PTPRT: variants seen among roughly 807,000 people sequenced by gnomAD.
PTPRT encodes the protein receptor-type tyrosine-protein phosphatase T.
In PTPRT, 56 loss-of-function variants were observed where a neutral mutation model predicts 176.8. The observed-to-expected ratio is 0.32, with a 90% CI of 0.26 to 0.40. The LOEUF is 0.40. PTPRT is among the 10% of genes least tolerant of loss of function. PTPRT has a pLI of 1.00. For missense variants in PTPRT, 1,540 were observed against 1,908.2 expected, an observed-to-expected ratio of 0.81 and a Z score of 3.60; for synonymous variants, 783 against 739.0, an observed-to-expected ratio of 1.06 and a Z score of -0.96.
intron 16 of PTPRT, among the ~76,000 whole-genome samples, chr20:42,173,748 C>T (rs778988591): frequency 6.6e-6 from 1 of 152,112 alleles, no homozygotes; most frequent in Non-Finnish European, 1.5e-5. Context: ...TATTTTGTTG[C>T]ACCACAAAGA....
intron 12 of PTPRT, among the ~76,000 whole-genome samples, chr20:42,295,664 T>C (rs1277979157): frequency 6.6e-6 from 1 of 151,360 alleles, no homozygotes; most frequent in African/African-American, 2.4e-5. Context: ...GAGGAAGAAA[T>C]AGGGAAAGAG....
chr20:42,244,543 G>A (rs746251574), intron 14 of PTPRT, among the ~76,000 whole-genome samples: 49 of 152,110 alleles, frequency 3.2e-4, no homozygotes, highest in Non-Finnish European at 1.0e-4. Context: ...TGTGATGGAC[G>A]GGTTAGTGTA....
chr20:42,890,016 G>A lies in PTPRT; in HGVS notation c.89-4084C>T, dbSNP rs2079166047. On this transcript the variant is annotated intron_variant, in intron 1 of 30. Coordinates refer to ENST00000373187, the MANE Select transcript of PTPRT (RefSeq NM_007050.6). ...AAATGACAACCATTTCAGGTGCTTT[G>A]ATCAGACAAGAATTTCTCTGCAGGA... 2.0e-5 allele frequency among the ~76,000 whole-genome samples: 3 copies of A among 152,088 alleles called. No individual in the cohort carries two copies. In the South Asian group the frequency reaches 6.2e-4, roughly 32 times the overall value.
intron 13 of PTPRT, among the ~76,000 whole-genome samples, chr20:42,279,258 A>C (rs140496036): frequency 1.1e-4 from 16 of 152,150 alleles, no homozygotes; most frequent in Middle Eastern, 6.8e-3. Context: ...TTGCTACCCT[A>C]ATCAAACATC....
chr20:43,094,448 G>C (rs2012037888), intron 1 of PTPRT, among the ~76,000 whole-genome samples: 1 of 131,614 alleles, frequency 7.6e-6, no homozygotes, highest in African/African-American at 2.9e-5. Flanking sequence ...GCACAGGCTG[G>C]AGTGTAATAG....
intron 15 of PTPRT, among the ~76,000 whole-genome samples, chr20:42,233,437 T>C (rs1276754525): frequency 6.6e-6 from 1 of 152,186 alleles, no homozygotes; most frequent in African/African-American, 2.4e-5. Context: ...CAGAGCAATT[T>C]CTTTCCCATT....
rs75270309 is a variant in PTPRT at position 42,825,048 on chromosome 20, T to C, written c.215-33582A>G. On this transcript the variant is annotated intron_variant, in intron 2 of 30. Coordinates refer to ENST00000373187, the MANE Select transcript of PTPRT (RefSeq NM_007050.6). ...ATTTCTTATCAAATAAGCTAAGATT[T>C]TGAAACAGTGATAATTCCTAATATT... Among the ~76,000 whole-genome samples the C allele has an allele frequency of 8.6e-3, 1,302 of 152,202 alleles. 28 individuals carry two copies. Among genetic ancestry groups the C allele is most frequent in the African/African-American group, 0.029 (1,210 of 41,536 alleles).
intron 12 of PTPRT, among the ~76,000 whole-genome samples, chr20:42,300,756 GTATTATTAT>G (rs533576322): frequency 2.4e-4 from 36 of 148,022 alleles, no homozygotes; most frequent in Admixed American, 1.1e-3. Context: ...CTTTTTATTT[GTATTATTAT>G]TATTATTATT....
intron 1 of PTPRT, among the ~76,000 whole-genome samples, chr20:43,125,879 A>T (rs2013418013): frequency 6.6e-6 from 1 of 152,226 alleles, no homozygotes; most frequent in African/African-American, 2.4e-5. Flanking sequence ...AAGGCGAATT[A>T]TGTTGTTGAA....
chr20:42,317,871 T>G (rs933076687), intron 11 of PTPRT, among the ~76,000 whole-genome samples: 2 of 152,218 alleles, frequency 1.3e-5, no homozygotes, highest in African/African-American at 4.8e-5. Flanking sequence ...CCATGCCTGT[T>G]GTACATACAC....
chr20:42,651,989 A>G (rs1440563064), intron 7 of PTPRT, among the ~76,000 whole-genome samples: 1 of 152,054 alleles, frequency 6.6e-6, no homozygotes, highest in African/African-American at 2.4e-5. Context: ...TGGAGGTTGC[A>G]GTGAGCCGAG....
chr20:43,008,866 C>A (rs1281789929), intron 1 of PTPRT, among the ~76,000 whole-genome samples: 2 of 152,142 alleles, frequency 1.3e-5, no homozygotes, highest in African/African-American at 4.8e-5. Context: ...TGCTGCCTTC[C>A]ATTGCCCGTC....
At chr20:42,806,847 A>G (rs940378174) in intron 2 of PTPRT, among the ~76,000 whole-genome samples, 3 of 152,292 alleles carry the variant, frequency 2.0e-5, no homozygotes, top group Middle Eastern at 3.4e-3. Context: ...ATTAACTATG[A>G]TGAGATTCAG....
chr20:42,400,904 G>C (rs1013956092), intron 9 of PTPRT, among the ~76,000 whole-genome samples: 1 of 151,954 alleles, frequency 6.6e-6, no homozygotes, highest in African/African-American at 2.4e-5. Context: ...ATAAGGGATC[G>C]GGTTTTTAAC....
At chr20:42,291,827 A>C (rs2057321343) in intron 12 of PTPRT, among the ~76,000 whole-genome samples, 1 of 152,184 alleles carries the variant, frequency 6.6e-6, no homozygotes, top group Non-Finnish European at 1.5e-5. Flanking sequence ...TTGGGACTAT[A>C]GAGTTTTGGT....
intron 7 of PTPRT, among the ~76,000 whole-genome samples, chr20:42,543,260 C>A (rs2072615251): frequency 6.6e-6 from 1 of 152,162 alleles, no homozygotes. Context: ...CCTCTTAAAC[C>A]ATGCCACTAC....
intron 2 of PTPRT, among the ~76,000 whole-genome samples, chr20:42,837,789 G>A (rs1600813541): frequency 6.6e-6 from 1 of 152,182 alleles, no homozygotes; most frequent in Non-Finnish European, 1.5e-5. Flanking sequence ...TGCCAGGAAA[G>A]AGATGATGGT....
At chr20:42,494,997 A>G (rs1282413135) in intron 7 of PTPRT, among the ~76,000 whole-genome samples, 1 of 152,174 alleles carries the variant, frequency 6.6e-6, no homozygotes, top group Non-Finnish European at 1.5e-5. Context: ...AGAATATTCA[A>G]ACCTCTCATT....
At chr20:42,724,649 A>G (rs6030438) in intron 6 of PTPRT, among the ~76,000 whole-genome samples, 36,150 of 152,044 alleles carry the variant, frequency 0.24, 4,261 homozygotes, top group Middle Eastern at 0.25. Flanking sequence ...TAATCTCTTC[A>G]TGCCTAGACA....
Sources: gnomAD v4.1 joint callset for allele counts (sites outside exome capture counted in the v4.1 genomes callset) on GRCh38, gnomAD v4.1.1 for gene constraint, MANE v1.5 for transcripts, NCBI Gene and HGNC (gene_info 2026-07-23, HGNC 2026-07-21) for gene names.